RBFOX1: variants seen among roughly 807,000 people sequenced by gnomAD.
RBFOX1 encodes the protein RNA binding fox-1 homolog 1, also known as RNA binding protein fox-1 homolog 1.
Under a neutral mutation model 57.7 loss-of-function variants are expected in RBFOX1, and 8 were observed. The observed-to-expected ratio is 0.14, with a 90% CI of 0.08 to 0.25. The LOEUF is 0.25. RBFOX1 is among the 10% of genes least tolerant of loss of function. RBFOX1 has a pLI of 1.00. For synonymous variants in RBFOX1, 326 were observed against 222.4 expected (o/e 1.47, Z -4.15); for missense variants, 611 against 548.5 (o/e 1.11, Z -1.14).
chr16:7,409,716 G>A (rs573988307), intron 4 of RBFOX1, among the ~76,000 whole-genome samples: 9 of 152,250 alleles, frequency 5.9e-5, no homozygotes, highest in African/African-American at 9.6e-5. Context: ...CCTTGATTTC[G>A]TTGGAAGTTA....
chr16:6,934,182 C>T (rs1049046034), intron 3 of RBFOX1, among the ~76,000 whole-genome samples: 2 of 152,146 alleles, frequency 1.3e-5, no homozygotes, highest in Admixed American at 6.5e-5. Flanking sequence ...TATGTGCATA[C>T]CTAGCTGCAG....
intron 2 of RBFOX1, among the ~76,000 whole-genome samples, chr16:6,551,991 A>T (rs2096998923): frequency 6.6e-6 from 1 of 152,218 alleles, no homozygotes; most frequent in African/African-American, 2.4e-5. Flanking sequence ...TCCCATTACC[A>T]GTCAATTCAG....
rs1596416836 is a variant in RBFOX1 at position 6,019,126 on chromosome 16, C to G, written c.-993C>G. 1 of 985,020 alleles carries G rather than the reference C, an allele frequency of 1.0e-6. No homozygotes were observed. Among genetic ancestry groups the G allele is most frequent in the Admixed American group, 6.2e-5 (1 of 16,226 alleles). 61.0% of individuals were successfully genotyped at this position (985,020 alleles called of 1,614,324 possible). Reference sequence around the variant, plus strand: ...ACACACATGCACACATTTTCTCGCGCTCTCTCCGGCTCTCCTTTGTTTATT... The same window carrying G: ...ACACACATGCACACATTTTCTCGCGGTCTCTCCGGCTCTCCTTTGTTTATT... On this transcript the variant is annotated 5_prime_UTR_variant, in exon 1 of 16. Transcript: ENST00000550418. This position sits in a 1 kb window ranked among gnomAD's most constrained non-coding sequence, Gnocchi z 4.2.
chr16:6,139,625 G>T (rs2096698147), intron 1 of RBFOX1, among the ~76,000 whole-genome samples: 1 of 152,210 alleles, frequency 6.6e-6, no homozygotes, highest in Non-Finnish European at 1.5e-5. Flanking sequence ...CAGCACCCAT[G>T]TAACTGCTTT....
chr16:6,671,640 A>G (rs887676716), intron 3 of RBFOX1, among the ~76,000 whole-genome samples: 2 of 152,084 alleles, frequency 1.3e-5, no homozygotes, highest in Non-Finnish European at 2.9e-5. Context: ...CTGAGTCCCC[A>G]AAGTCCGTTC....
chr16:7,368,722 G>T (rs1297207630), intron 4 of RBFOX1, among the ~76,000 whole-genome samples: 3 of 151,004 alleles, frequency 2.0e-5, no homozygotes, highest in African/African-American at 7.3e-5. Flanking sequence ...AGAGCTTGCA[G>T]TGAGCTGAGA....
chr16:5,814,390 C>A (rs1312310299), intron 3 of RBFOX1, among the ~76,000 whole-genome samples: 1 of 152,180 alleles, frequency 6.6e-6, no homozygotes, highest in African/African-American at 2.4e-5. Flanking sequence ...CCAAGCTTCA[C>A]CAACTTTTTC....
At chr16:5,874,470 A>C (rs28628297) in intron 4 of RBFOX1, among the ~76,000 whole-genome samples, 16,399 of 152,066 alleles carry the variant, frequency 0.11, 1,695 homozygotes, top group African/African-American at 0.27. Flanking sequence ...AGCACCAGAG[A>C]GCTATGGTAC....
At chr16:5,481,948 C>G (rs1034225873) in intron 2 of RBFOX1, among the ~76,000 whole-genome samples, 10 of 152,172 alleles carry the variant, frequency 6.6e-5, no homozygotes, top group African/African-American at 2.4e-4. Context: ...TTTAAAGACT[C>G]CATCACCAAA....
At chr16:6,231,218 G>GTA (rs758062286) in intron 1 of RBFOX1, among the ~76,000 whole-genome samples, 7 of 92,140 alleles carry the variant, frequency 7.6e-5, no homozygotes, top group Non-Finnish European at 1.7e-4. Flanking sequence ...GTATGTGTTT[G>GTA]TGTGTGTGTG....
At chr16:6,563,285 C>G (rs2097209149) in intron 2 of RBFOX1, among the ~76,000 whole-genome samples, 1 of 152,156 alleles carries the variant, frequency 6.6e-6, no homozygotes, top group Non-Finnish European at 1.5e-5. Flanking sequence ...TGACATTATT[C>G]TTTATGAACA....
At chr16:6,932,552 A>G (rs2076734376) in intron 3 of RBFOX1, among the ~76,000 whole-genome samples, 1 of 152,198 alleles carries the variant, frequency 6.6e-6, no homozygotes, top group Non-Finnish European at 1.5e-5. Context: ...CCTATATGGT[A>G]GGTGAGTTAG....
intron 4 of RBFOX1, among the ~76,000 whole-genome samples, chr16:7,166,316 A>G (rs1218823476): frequency 2.0e-5 from 3 of 152,066 alleles, no homozygotes; most frequent in African/African-American, 7.2e-5. Context: ...ACCCGGCCGG[A>G]GTGGGTAGTC....
chr16:6,058,867 TCCATC>T (rs2095649544), intron 1 of RBFOX1, among the ~76,000 whole-genome samples: 1 of 150,676 alleles, frequency 6.6e-6, no homozygotes, highest in African/African-American at 2.5e-5. Context: ...CATCCATCCA[TCCATC>T]CATCCATCCA....
At chr16:7,568,882 C>CAAAAAAAA (rs34858992) in intron 5 of RBFOX1, among the ~76,000 whole-genome samples, 2 of 77,552 alleles carry the variant, frequency 2.6e-5, no homozygotes, top group Non-Finnish European at 4.7e-5. Context: ...GACTCTGTCT[C>CAAAAAAAA]AAAAAAAAAA....
intron 5 of RBFOX1, among the ~76,000 whole-genome samples, chr16:7,555,903 G>A (rs1413091604): frequency 2.0e-5 from 3 of 152,106 alleles, no homozygotes; most frequent in African/African-American, 4.8e-5. Context: ...GATTGATTAG[G>A]TTATGCTTCA....
chr16:6,691,187 G>A (rs895907477), intron 3 of RBFOX1, among the ~76,000 whole-genome samples: 1 of 152,148 alleles, frequency 6.6e-6, no homozygotes, highest in African/African-American at 2.4e-5. Flanking sequence ...GCTATTAGCT[G>A]TGGGGGAGCT....
rs192629484 is a variant in RBFOX1 at position 6,131,465 on chromosome 16, C to G, written c.-127+111473C>G. Among the ~76,000 whole-genome samples, 5 of 152,266 alleles carry G rather than the reference C, an allele frequency of 3.3e-5. No homozygotes were observed. In the East Asian group the frequency reaches 5.8e-4, roughly 18 times the overall value. On this transcript the variant is annotated intron_variant, in intron 1 of 15. Transcript: ENST00000550418. Reference sequence around the variant, plus strand: ...TCTAGAAAGCTTACTACCCCTTGCTCTAGAGTCACTTATTTAAATGCAGCT... The same window carrying G: ...TCTAGAAAGCTTACTACCCCTTGCTGTAGAGTCACTTATTTAAATGCAGCT...
Position 6,426,192 on chromosome 16 carries a change from C to T in RBFOX1, c.-64+109135C>T, listed in dbSNP as rs556963605. On this transcript the variant is annotated intron_variant, in intron 2 of 15. Transcript: ENST00000550418. ...TCCATCCCTCCTCCCTTCCTTCCTT[C>T]GTTCTGTCCCTCTTTCCCTCTCCCT... Among the ~76,000 whole-genome samples the T allele has an allele frequency of 2.6e-4, 39 of 151,772 alleles. No homozygotes were observed. The South Asian group carries it at 7.1e-3, about 28-fold the overall frequency.
Sources: allele counts gnomAD v4.1 joint callset (sites outside exome capture counted in the v4.1 genomes callset), GRCh38; gene constraint gnomAD v4.1.1; non-coding constraint Gnocchi (gnomAD v3.1); transcripts MANE v1.5; gene names NCBI Gene and HGNC (gene_info 2026-07-23, HGNC 2026-07-21).